KLF3: variants seen among roughly 807,000 people sequenced by gnomAD.
KLF3 encodes the protein Krueppel-like factor 3.
A neutral mutation model predicts 32.7 loss-of-function variants in KLF3; 6 were observed. The ratio of observed to expected loss-of-function variants is 0.18; its 90% CI spans 0.10 to 0.36. The LOEUF is 0.36. Ranked by LOEUF, KLF3 falls within the 10% of genes least tolerant of loss-of-function variation. The pLI is 1.00. For synonymous variants in KLF3, 145 were observed against 172.8 expected (o/e 0.84, Z 1.26); for missense variants, 338 against 449.7 (o/e 0.75, Z 2.25).
rs557927642 is a variant in KLF3, at chr4:38,673,411, A to G, written c.-39-7176A>G. ...ACGCAGCCCTTCTGGATTTGATTAT[A>G]TAACACTTCATAGAGGAGAATTGTG... On this transcript the variant is annotated intron_variant, in intron 1 of 5. Coordinates refer to ENST00000261438, the MANE Select transcript of KLF3 (RefSeq NM_016531.6). Among the ~76,000 whole-genome samples the G allele has an allele frequency of 1.2e-4, 18 of 152,344 alleles. No homozygotes were observed. In the South Asian group the frequency reaches 2.5e-3, roughly 21 times the overall value.
At chr4:38,683,469 CAG>C (rs1033430379) in intron 2 of KLF3, among the ~76,000 whole-genome samples, 16 of 152,076 alleles carry the variant, frequency 1.1e-4, no homozygotes, top group African/African-American at 3.6e-4. Flanking sequence ...GAATGAGGAA[CAG>C]AGGAGACTCT....
intron 2 of KLF3, among the ~76,000 whole-genome samples, chr4:38,687,061 CAGA>C (rs1722725525): frequency 1.3e-5 from 2 of 152,218 alleles, no homozygotes; most frequent in South Asian, 4.1e-4. Context: ...CAAGGAGACC[CAGA>C]AATTAATAGT....
At chr4:38,691,170 G>T (rs909553492) in intron 4 of KLF3, among the ~76,000 whole-genome samples, 3 of 152,144 alleles carry the variant, frequency 2.0e-5, no homozygotes, top group Admixed American at 2.0e-4. Context: ...GGAGCAAAAG[G>T]CAAAGTGATT....
rs1356411535 is a variant in KLF3 at position 38,674,694 on chromosome 4, T to C, written c.-39-5893T>C. Among the ~76,000 whole-genome samples, 4 of 151,820 alleles carry C rather than the reference T, an allele frequency of 2.6e-5. No individual in the cohort carries two copies. Among genetic ancestry groups the C allele is most frequent in the African/African-American group, 9.7e-5 (4 of 41,290 alleles). On this transcript the variant is annotated intron_variant, in intron 1 of 5. Coordinates refer to ENST00000261438, the MANE Select transcript of KLF3 (RefSeq NM_016531.6). The surrounding 1 kb of genome is among the most constrained non-coding windows in gnomAD (Gnocchi z 4.1). ...AATGCAGGCACCCTTTGAGGATCTG[T>C]GGGAAGAAATGAGGGCATGGAGAAA... is the stretch of plus-strand genomic sequence containing the variant.
chr4:38,697,169 C>G lies in KLF3; in HGVS notation c.944C>G (p.Thr315Ser), dbSNP rs757967760. Residue 315 changes from threonine to serine, a missense_variant, in exon 6 of 6, where the codon ACT (threonine) becomes AGT (serine). Physicochemically the swap from Thr to Ser is moderately conservative, Grantham distance 58 (BLOSUM62 1). This residue lies in a region of KLF3 where 66 missense variants were observed against 136.2 expected (regional missense o/e 0.48). Transcript: ENST00000261438. ...DELTRHFRKHTGIKPFQCPDC... is the reference protein window; with the variant it reads ...DELTRHFRKHSGIKPFQCPDC... ...CTAACAAGACATTTCCGAAAACATA[C>G]TGGAATCAAACCTTTCCAGTGCCCG... The G allele has an allele frequency of 6.8e-6, 11 of 1,613,994 alleles. No individual in the cohort carries two copies. Among genetic ancestry groups the G allele is most frequent in the Non-Finnish European group, 9.3e-6 (11 of 1,180,016 alleles).
At chr4:38,694,287 CAAT>C (rs1722982347) in intron 4 of KLF3, among the ~76,000 whole-genome samples, 1 of 152,148 alleles carries the variant, frequency 6.6e-6, no homozygotes, top group African/African-American at 2.4e-5. Context: ...CCCTAGCCAA[CAAT>C]AATGAAAATC....
chr4:38,683,984 G>A (rs1366026444), intron 2 of KLF3, among the ~76,000 whole-genome samples: 1 of 152,118 alleles, frequency 6.6e-6, no homozygotes, highest in African/African-American at 2.4e-5. Context: ...GTTTATACAC[G>A]CACCATGCCT....
chr4:38,688,784 CCTCACA>C lies in KLF3; in HGVS notation c.259_264del (p.Ser87_His88del). The stretch of plus-strand genomic sequence containing the variant: ...TCGCCCTCCTCTCTGAAGTTCCCGT[CCTCACA>C]CCGGAGAGCCTCGCCTGGGTTGAGC... On this transcript the variant is annotated inframe_deletion, in exon 3 of 6. Transcript: ENST00000261438. The surrounding 1 kb of genome is among the most constrained non-coding windows in gnomAD (Gnocchi z 4.9). The C allele has an allele frequency of 6.2e-7, 1 of 1,614,238 alleles. No homozygotes were observed. Among genetic ancestry groups the C allele is most frequent in the Non-Finnish European group, 8.5e-7 (1 of 1,180,048 alleles).
In KLF3 at chr4:38,692,034, A is replaced by G. The variant is rs543600435; in HGVS notation, c.695+2155A>G. On this transcript the variant is annotated intron_variant, in intron 4 of 5. Coordinates refer to ENST00000261438, the MANE Select transcript of KLF3 (RefSeq NM_016531.6). The stretch of plus-strand genomic sequence containing the variant: ...TATTTATAAAGGCACTCAAAGGTAC[A>G]TCAAATTCTATTTGTTACAGATTTA... 2.0e-5 allele frequency among the ~76,000 whole-genome samples: 3 copies of G among 152,376 alleles called. No homozygotes were observed. In the South Asian group the frequency reaches 6.2e-4, roughly 32 times the overall value.
chr4:38,697,605 A>G lies in KLF3; in HGVS notation c.*342A>G, dbSNP rs748467947. 2.4e-4 allele frequency: 49 copies of G among 202,466 alleles called. No individual in the cohort carries two copies. Among genetic ancestry groups the G allele is most frequent in the Middle Eastern group, 1.8e-3 (1 of 566 alleles). 12.5% of individuals were successfully genotyped at this position (202,466 alleles called of 1,614,324 possible). A position where few individuals can be genotyped will look rare whatever the true frequency, so the allele number is the denominator to read the frequency against. ...GTCAGTTCTCCATGTATTCCTCAAA[A>G]GAATGTCAGAGTAAATGTATTAGAA... On this transcript the variant is annotated 3_prime_UTR_variant, in exon 6 of 6. Transcript: ENST00000261438.
At chr4:38,689,698 G>T in intron 3 of KLF3, 31 bp from the exon 4 acceptor site, 1 of 1,513,760 alleles carries the variant, frequency 6.6e-7, no homozygotes, top group Non-Finnish European at 9.0e-7. Flanking sequence ...TAAACTGTAC[G>T]TGAAGTGACT....
At chr4:38,672,770 G>A (rs1672005746) in intron 1 of KLF3, among the ~76,000 whole-genome samples, 1 of 152,180 alleles carries the variant, frequency 6.6e-6, no homozygotes, top group Non-Finnish European at 1.5e-5. Context: ...GTGGCAAGGG[G>A]TGAGGGCTGG....
Position 38,674,434 on chromosome 4 carries a change from C to CTT in KLF3, c.-39-6142_-39-6141dup, listed in dbSNP as rs11455486. 4.9e-4 allele frequency among the ~76,000 whole-genome samples: 72 copies of CTT among 146,564 alleles called. No individual in the cohort carries two copies. The highest frequency in any genetic ancestry group is 1.3e-3 in the South Asian group (6 of 4,672). On this transcript the variant is annotated intron_variant, in intron 1 of 5. Transcript: ENST00000261438. The surrounding 1 kb of genome is among the most constrained non-coding windows in gnomAD (Gnocchi z 4.1). The stretch of plus-strand genomic sequence containing the variant: ...TTACACACACACATGCACACACCGC[C>CTT]TTTTTTTTTTTTCTTTTTTTGCCTT...
rs1407193681 is a variant in KLF3 at position 38,700,495 on chromosome 4, C to G, written c.*3232C>G. ...TGCTCCGAGCTGTCTTTATTCTCTTCTTGGTCAAGGTTAACAATTGCTAAA... is the reference window on the plus strand; with the variant it reads ...TGCTCCGAGCTGTCTTTATTCTCTTGTTGGTCAAGGTTAACAATTGCTAAA... On this transcript the variant is annotated 3_prime_UTR_variant, in exon 6 of 6. Transcript: ENST00000261438. The G allele has an allele frequency of 6.6e-6, 1 of 152,202 alleles. No homozygotes were observed. Among genetic ancestry groups the G allele is most frequent in the African/African-American group, 2.4e-5 (1 of 41,452 alleles). 9.4% of individuals were successfully genotyped at this position (152,202 alleles called of 1,614,324 possible).
intron 5 of KLF3, among the ~76,000 whole-genome samples, chr4:38,695,759 G>A (rs577256118): frequency 3.3e-5 from 5 of 152,244 alleles, no homozygotes; most frequent in Non-Finnish European, 7.4e-5. Flanking sequence ...ATTAGTAGTG[G>A]TGATGTATGT....
chr4:38,694,662 C>T, intron 4 of KLF3, 84 bp from the exon 5 acceptor site: 10 of 1,181,530 alleles, frequency 8.5e-6, no homozygotes, highest in Middle Eastern at 3.0e-4. Flanking sequence ...TTGTTTTTGC[C>T]CAGTGTTGTT....
At chr4:38,690,141 A>C in intron 4 of KLF3, 1 of 404,954 alleles carries the variant, frequency 2.5e-6, no homozygotes, top group South Asian at 6.3e-5. Context: ...ACCTTACCAC[A>C]TGAATTATTT....
intron 1 of KLF3, among the ~76,000 whole-genome samples, chr4:38,669,236 A>G (rs1434051905): frequency 6.6e-6 from 1 of 152,240 alleles, no homozygotes; most frequent in Non-Finnish European, 1.5e-5. Flanking sequence ...TAAAAAAGCA[A>G]ATCCCTAGAA....
intron 2 of KLF3, among the ~76,000 whole-genome samples, chr4:38,682,023 TG>T (rs1243316758): frequency 6.6e-6 from 1 of 152,236 alleles, no homozygotes; most frequent in Non-Finnish European, 1.5e-5. Context: ...TGTCTGAATA[TG>T]GTAGCAACTG....
Sources: gnomAD v4.1 joint callset for allele counts (sites outside exome capture counted in the v4.1 genomes callset) on GRCh38, gnomAD v4.1.1 for gene constraint, gnomAD v4.1.1 regional missense constraint, Gnocchi (gnomAD v3.1) non-coding constraint, MANE v1.5 for transcripts, NCBI Gene and HGNC (gene_info 2026-07-23, HGNC 2026-07-21) for gene names.